The following CNTNAP5 variants were observed in gnomAD, a reference collection of about 807,000 sequenced individuals.
The protein encoded by CNTNAP5 is contactin associated protein family member 5, also known as contactin-associated protein-like 5.
Under a neutral mutation model 150.2 loss-of-function variants are expected in CNTNAP5, and 72 were observed. The ratio of observed to expected loss-of-function variants is 0.48; its 90% confidence interval spans 0.40 to 0.58. The LOEUF is 0.58. CNTNAP5 is among the 20% of genes least tolerant of loss of function. The pLI is 0.00. For missense variants in CNTNAP5, 1,636 were observed against 1,626.2 expected (o/e 1.01, Z -0.10); for synonymous variants, 672 against 619.8 (o/e 1.08, Z -1.25).
At chr2:124,581,522 C>T (rs190675071) in intron 11 of CNTNAP5, among the ~76,000 whole-genome samples, 4 of 152,178 alleles carry the variant, frequency 2.6e-5, no homozygotes, top group East Asian at 1.9e-4. Context: ...AGGACTTTGT[C>T]GAATATTGGT....
chr2:124,780,116 G>T (rs946797764), intron 17 of CNTNAP5, among the ~76,000 whole-genome samples: 2 of 152,186 alleles, frequency 1.3e-5, no homozygotes, highest in Non-Finnish European at 2.9e-5. Context: ...CTGAGCCTCA[G>T]TTATTCCATC....
At chr2:124,717,363 T>C (rs1679966359) in intron 13 of CNTNAP5, among the ~76,000 whole-genome samples, 1 of 152,210 alleles carries the variant, frequency 6.6e-6, no homozygotes, top group Non-Finnish European at 1.5e-5. Context: ...TACTTGAGAA[T>C]TGAATGTTGC....
intron 1 of CNTNAP5, among the ~76,000 whole-genome samples, chr2:124,081,311 G>A (rs1384659507): frequency 6.6e-6 from 1 of 152,074 alleles, no homozygotes; most frequent in Non-Finnish European, 1.5e-5. Flanking sequence ...CCTCCTATTT[G>A]TCTCACCTAA....
intron 3 of CNTNAP5, among the ~76,000 whole-genome samples, chr2:124,377,987 G>C (rs1018758916): frequency 1.3e-5 from 2 of 152,020 alleles, no homozygotes; most frequent in African/African-American, 2.4e-5. Context: ...GTGTTTCTAG[G>C]AGCCAATGCT....
At chr2:124,549,495 T>C (rs1695583739) in intron 10 of CNTNAP5, among the ~76,000 whole-genome samples, 1 of 152,206 alleles carries the variant, frequency 6.6e-6, no homozygotes, top group African/African-American at 2.4e-5. Flanking sequence ...ACCTGGTCTA[T>C]GAAAATAATT....
chr2:124,133,344 C>T (rs1193594006), intron 1 of CNTNAP5, among the ~76,000 whole-genome samples: 1 of 152,136 alleles, frequency 6.6e-6, no homozygotes, highest in Admixed American at 6.5e-5. Context: ...CCTATAGCTT[C>T]TTCAAAGCTT....
intron 17 of CNTNAP5, 22 bp from the exon 18 acceptor site, chr2:124,789,880 T>C: frequency 6.2e-7 from 1 of 1,611,122 alleles, no homozygotes; most frequent in South Asian, 1.1e-5. Context: ...TTACATTTGT[T>C]TCCTTTTATT....
At chr2:124,814,944 C>G (rs1183537390) in intron 19 of CNTNAP5, among the ~76,000 whole-genome samples, 1 of 152,150 alleles carries the variant, frequency 6.6e-6, no homozygotes, top group Non-Finnish European at 1.5e-5. Context: ...AATGCTAATA[C>G]TGTTGGTTTT....
intron 1 of CNTNAP5, among the ~76,000 whole-genome samples, chr2:124,028,974 G>A (rs929947289): frequency 4.6e-5 from 7 of 152,080 alleles, no homozygotes; most frequent in Admixed American, 1.3e-4. Flanking sequence ...AATACATGGA[G>A]CACATATGGG....
intron 3 of CNTNAP5, among the ~76,000 whole-genome samples, chr2:124,348,780 C>T (rs1159515303): frequency 4.6e-5 from 7 of 151,802 alleles, no homozygotes; most frequent in Admixed American, 4.6e-4. Flanking sequence ...TTTATGTCTC[C>T]CCAAATTTCT....
At chr2:124,657,028 G>A (rs946800019) in intron 13 of CNTNAP5, among the ~76,000 whole-genome samples, 1 of 152,252 alleles carries the variant, frequency 6.6e-6, no homozygotes, top group African/African-American at 2.4e-5. Flanking sequence ...TAGGCCCTCT[G>A]GACACTGCTG....
intron 3 of CNTNAP5, among the ~76,000 whole-genome samples, chr2:124,358,116 G>T (rs146979450): frequency 0.036 from 5,465 of 152,158 alleles, 347 homozygotes; most frequent in African/African-American, 0.12. Context: ...TCTGTTGTTG[G>T]TGTATAAGAA....
rs187214265 is a variant in CNTNAP5, at chr2:124,789,502, G to C, written c.2753-400G>C. ...GTCGTATAGATTATTTTGTCACCCA[G>C]GTACTAAGCTTAGTACCCAATAGTT... On this transcript the variant is annotated intron_variant, in intron 17 of 23. Transcript: ENST00000682447. Among the ~76,000 whole-genome samples the C allele has an allele frequency of 5.3e-5, 8 of 152,080 alleles. No individual in the cohort carries two copies. In the East Asian group the frequency reaches 1.5e-3, roughly 29 times the overall value.
At chr2:124,754,071 C>T (rs949445563) in intron 14 of CNTNAP5, among the ~76,000 whole-genome samples, 1 of 152,212 alleles carries the variant, frequency 6.6e-6, no homozygotes, top group Non-Finnish European at 1.5e-5. Flanking sequence ...TTGCTGTTTC[C>T]TCACCTGGGT....
chr2:124,269,003 C>A (rs1687679842), intron 3 of CNTNAP5, among the ~76,000 whole-genome samples: 3 of 152,044 alleles, frequency 2.0e-5, no homozygotes, highest in Non-Finnish European at 4.4e-5. Flanking sequence ...AACAGCAACA[C>A]CCAAAGGAGG....
In CNTNAP5 at chr2:124,765,242, A is replaced by G. The variant is rs560109706; in HGVS notation, c.2533+1095A>G. On this transcript the variant is annotated intron_variant, in intron 16 of 23. Transcript: ENST00000682447. ...TCTCTGCAAGCAAAAAAATTCTACTACAATAATTTCAACAGAAAATTAATG... is the reference window on the plus strand; with the variant it reads ...TCTCTGCAAGCAAAAAAATTCTACTGCAATAATTTCAACAGAAAATTAATG... 3.3e-5 allele frequency among the ~76,000 whole-genome samples: 5 copies of G among 152,264 alleles called. No homozygotes were observed. In the East Asian group the frequency reaches 7.7e-4, roughly 23 times the overall value.
At chr2:124,172,503 C>T (rs2104666302) in intron 1 of CNTNAP5, among the ~76,000 whole-genome samples, 1 of 152,304 alleles carries the variant, frequency 6.6e-6, no homozygotes, top group South Asian at 2.1e-4. Flanking sequence ...ACCTCTGACC[C>T]CGGGGATCAA....
intron 4 of CNTNAP5, among the ~76,000 whole-genome samples, chr2:124,422,467 C>T (rs1285607989): frequency 6.6e-6 from 1 of 152,136 alleles, no homozygotes; most frequent in Non-Finnish European, 1.5e-5. Context: ...TACTTTGAAG[C>T]ACTTTTCTTG....
At chr2:124,803,282 G>A (rs73955831) in intron 19 of CNTNAP5, among the ~76,000 whole-genome samples, 5,162 of 152,146 alleles carry the variant, frequency 0.034, 287 homozygotes, top group African/African-American at 0.12. Context: ...GCTTGAGTTG[G>A]TCATGAAAGA....
Sources: gnomAD v4.1 joint callset for allele counts (sites outside exome capture counted in the v4.1 genomes callset) on GRCh38, gnomAD v4.1.1 for gene constraint, MANE v1.5 for transcripts, NCBI Gene and HGNC (gene_info 2026-07-23, HGNC 2026-07-21) for gene names.